Variants in ZNF521 observed in about 807,000 individuals in gnomAD.
ZNF521 encodes the protein zinc finger protein 521.
ZNF521 carries 14 observed loss-of-function variants against 105.5 expected under a neutral mutation model. The ratio of observed to expected loss-of-function variants is 0.13; its 90% CI spans 0.09 to 0.21. The LOEUF (loss-of-function observed/expected upper bound fraction) is 0.21. ZNF521 is among the 10% of genes least tolerant of loss of function. The probability of loss-of-function intolerance (pLI) is 1.00; values close to 1 mark genes in which losing one functional copy is unlikely to be tolerated. For synonymous variants in ZNF521, 635 were observed against 606.0 expected (o/e 1.05, Z -0.70); for missense variants, 1,233 against 1,629.7 (o/e 0.76, Z 4.19).
intron 3 of ZNF521, among the ~76,000 whole-genome samples, chr18:25,270,296 C>T (rs1399834616): frequency 6.6e-6 from 1 of 151,984 alleles, no homozygotes; most frequent in Non-Finnish European, 1.5e-5. Context: ...AGCCTACCAA[C>T]CAAAAAAAGT....
chr18:25,264,856 G>A (rs1215754148), intron 3 of ZNF521, among the ~76,000 whole-genome samples: 1 of 152,086 alleles, frequency 6.6e-6, no homozygotes, highest in East Asian at 1.9e-4. Context: ...TCAGGAAGGA[G>A]GAGAGGAAAA....
chr18:25,350,635 TCTC>T (rs1335801406), intron 2 of ZNF521, among the ~76,000 whole-genome samples: 1 of 150,922 alleles, frequency 6.6e-6, no homozygotes, highest in African/African-American at 2.4e-5. Flanking sequence ...TCTCTCTCTC[TCTC>T]TTTTTTTTTT....
chr18:25,257,926 C>A (rs761249563), intron 3 of ZNF521, among the ~76,000 whole-genome samples: 3 of 152,150 alleles, frequency 2.0e-5, no homozygotes, highest in Non-Finnish European at 4.4e-5. Flanking sequence ...CCCAGAAGAA[C>A]ACATTCACAG....
chr18:25,205,987 A>AT (rs971557368), intron 4 of ZNF521, among the ~76,000 whole-genome samples: 107 of 151,022 alleles, frequency 7.1e-4, no homozygotes, highest in African/African-American at 2.4e-3. Flanking sequence ...TGTCTTATTC[A>AT]TTTTTTTTTA....
chr18:25,317,219 T>C (rs1427114165), intron 3 of ZNF521, among the ~76,000 whole-genome samples: 1 of 152,088 alleles, frequency 6.6e-6, no homozygotes, highest in African/African-American at 2.4e-5. Context: ...TTCCCTACTT[T>C]CAGAAAGCTT....
intron 6 of ZNF521, 140 bp downstream of exon 6, chr18:25,091,810 C>G: frequency 9.5e-7 from 1 of 1,049,552 alleles, no homozygotes. Context: ...GCTAATAAAG[C>G]AGAAATCAAA....
intron 5 of ZNF521, among the ~76,000 whole-genome samples, chr18:25,185,402 A>G (rs984219941): frequency 5.3e-5 from 8 of 152,158 alleles, no homozygotes; most frequent in Non-Finnish European, 8.8e-5. Context: ...AGAGAAAAAA[A>G]TGATGTCTGC....
chr18:25,297,378 A>G (rs1385110949), intron 3 of ZNF521, among the ~76,000 whole-genome samples: 2 of 152,156 alleles, frequency 1.3e-5, no homozygotes, highest in African/African-American at 2.4e-5. Flanking sequence ...CACAAAATCA[A>G]TTCACAATAT....
At chr18:25,177,871 G>A (rs867902640) in intron 5 of ZNF521, among the ~76,000 whole-genome samples, 6 of 152,266 alleles carry the variant, frequency 3.9e-5, no homozygotes, top group Middle Eastern at 3.4e-3. Context: ...ATTGTTCCTC[G>A]TGGATTTTGG....
At chr18:25,146,626 C>T (rs182428258) in intron 5 of ZNF521, among the ~76,000 whole-genome samples, 2 of 152,158 alleles carry the variant, frequency 1.3e-5, no homozygotes, top group South Asian at 2.1e-4. Context: ...ATAACCCTTG[C>T]CACTTGGCCT....
intron 5 of ZNF521, among the ~76,000 whole-genome samples, chr18:25,155,848 G>A (rs867730415): frequency 2.0e-5 from 3 of 152,134 alleles, no homozygotes; most frequent in African/African-American, 7.2e-5. Context: ...TGAACCAGGA[G>A]GACATTGTGC....
chr18:25,270,654 A>G (rs1384168721), intron 3 of ZNF521, among the ~76,000 whole-genome samples: 1 of 152,182 alleles, frequency 6.6e-6, no homozygotes, highest in Non-Finnish European at 1.5e-5. Flanking sequence ...TCCATCACAT[A>G]AACAGAACCA....
intron 3 of ZNF521, among the ~76,000 whole-genome samples, chr18:25,313,459 G>C (rs1348681464): frequency 6.6e-6 from 1 of 152,094 alleles, no homozygotes; most frequent in African/African-American, 2.4e-5. Flanking sequence ...GAAAGGGGAG[G>C]GGGAGAAACC....
intron 5 of ZNF521, among the ~76,000 whole-genome samples, chr18:25,170,218 A>G (rs935747766): frequency 2.0e-5 from 3 of 151,986 alleles, no homozygotes; most frequent in African/African-American, 4.8e-5. Context: ...TCTGGTTCCT[A>G]TCTTCACAGT....
rs577290762 is a variant in ZNF521 at position 25,070,146 on chromosome 18, A to G, written c.3907-7405T>C. Among the ~76,000 whole-genome samples the G allele has an allele frequency of 1.2e-3, 184 of 152,328 alleles. 1 individual carries two copies. The highest frequency in any genetic ancestry group is 4.3e-3 in the African/African-American group (178 of 41,578). ...TTAAAGAAGGAAAAGGACTATTAGG[A>G]CATTTGGTTTGTCCCCTTGTAGGAA... On this transcript the variant is annotated intron_variant, in intron 7 of 7. Coordinates refer to ENST00000361524, the MANE Select transcript of ZNF521 (RefSeq NM_015461.3).
chr18:25,298,130 T>C (rs1482767883), intron 3 of ZNF521, among the ~76,000 whole-genome samples: 1 of 152,214 alleles, frequency 6.6e-6, no homozygotes, highest in African/African-American at 2.4e-5. Flanking sequence ...GTTGAGTTAC[T>C]ATTGTCAGAG....
intron 5 of ZNF521, among the ~76,000 whole-genome samples, chr18:25,194,115 A>G (rs2035863729): frequency 6.6e-6 from 1 of 151,818 alleles, no homozygotes; most frequent in Admixed American, 6.6e-5. Flanking sequence ...TTAGTATACA[A>G]TCAAACTTAT....
At chr18:25,239,961 T>G (rs770702655) in intron 3 of ZNF521, among the ~76,000 whole-genome samples, 3 of 152,024 alleles carry the variant, frequency 2.0e-5, no homozygotes, top group Non-Finnish European at 4.4e-5. Context: ...TCCCTCAAGC[T>G]CTCTTTTTTT....
chr18:25,116,972 T>TAC (rs2034330281), intron 5 of ZNF521, among the ~76,000 whole-genome samples: 3 of 138,214 alleles, frequency 2.2e-5, no homozygotes, highest in Non-Finnish European at 3.0e-5. Context: ...TGTATATATA[T>TAC]GTATATATAT....
Sources: allele counts gnomAD v4.1 joint callset (sites outside exome capture counted in the v4.1 genomes callset), GRCh38; gene constraint gnomAD v4.1.1; transcripts MANE v1.5; gene names NCBI Gene and HGNC (gene_info 2026-07-23, HGNC 2026-07-21).